ADA2: variants seen among roughly 807,000 people sequenced by gnomAD.
ADA2 encodes adenosine deaminase 2.
Under a neutral mutation model 44.2 loss-of-function variants are expected in ADA2, and 29 were observed. The observed-to-expected ratio is 0.66, with a 90% CI of 0.49 to 0.89. ADA2 has a LOEUF of 0.89. Ranked by LOEUF, ADA2 falls within the 40% of genes least tolerant of loss-of-function variation. ADA2 has a pLI of 0.00. For missense variants in ADA2, 637 were observed against 644.8 expected (o/e 0.99, Z 0.13); for synonymous variants, 215 against 234.9 (o/e 0.92, Z 0.77).
At position 17,207,192 on chromosome 22, in the gene ADA2, T is replaced by A; in HGVS notation, c.421A>T (p.Arg141Trp). The A allele has an allele frequency of 6.2e-7, 1 of 1,614,160 alleles. No individual in the cohort carries two copies. Among genetic ancestry groups the A allele is most frequent in the Non-Finnish European group, 8.5e-7 (1 of 1,179,978 alleles). Reference protein sequence around the residue: ...RPHCHICFTPRGIMQFRFAHP... With the variant: ...RPHCHICFTPWGIMQFRFAHP... The stretch of plus-strand genomic sequence containing the variant: ...GCAAATCTGAACTGCATGATCCCCC[T>A]TGGGGTGAAACAGATGTGGCAGTGA... Residue 141 changes from arginine to tryptophan, a missense_variant, in exon 3 of 10, where the codon AGG (arginine) becomes TGG (tryptophan). Physicochemically the swap from Arg to Trp is moderately radical, Grantham distance 101. Transcript: ENST00000399837.
Position 17,191,797 on chromosome 22 carries a change from C to T in ADA2, c.767G>A (p.Ser256Asn), listed in dbSNP as rs1208715755. 6.2e-7 allele frequency: 1 copy of T among 1,613,378 alleles called. No individual in the cohort carries two copies. Among genetic ancestry groups the T allele is most frequent in the Non-Finnish European group, 8.5e-7 (1 of 1,179,916 alleles). The change falls in exon 5 of 10, where the codon AGT (serine) becomes AAT (asparagine). Residue 256 changes from serine (S) to asparagine (N), a missense_variant. Coordinates refer to ENST00000399837, the MANE Select transcript of ADA2 (RefSeq NM_001282225.2). ...CCACTCTTCGTCATGGTGCTCTCCA[C>T]TGAGCTCATACACCTGGGAAGAAAG... The part of the protein sequence containing the change: ...RARLLPVYEL[S>N]GEHHDEEWSV...
intron 1 of ADA2, among the ~76,000 whole-genome samples, chr22:17,212,456 T>G (rs1245487875): frequency 6.6e-6 from 1 of 152,080 alleles, no homozygotes; most frequent in Non-Finnish European, 1.5e-5. Context: ...GTATTTGTAG[T>G]AGAGACGGAG....
chr22:17,201,227 A>G (rs967298648), intron 4 of ADA2, among the ~76,000 whole-genome samples: 2 of 151,946 alleles, frequency 1.3e-5, no homozygotes, highest in Non-Finnish European at 2.9e-5. Flanking sequence ...AGAAGAAGAA[A>G]GAAAAGAAAA....
At chr22:17,192,941 C>A in intron 4 of ADA2, 1 of 589,394 alleles carries the variant, frequency 1.7e-6, no homozygotes, top group Non-Finnish European at 3.2e-6. Flanking sequence ...GCCTGATTGT[C>A]AAAAAGAGAA....
At chr22:17,214,060 A>AGT in intron 1 of ADA2, 1 of 481,746 alleles carries the variant, frequency 2.1e-6, no homozygotes, top group Non-Finnish European at 3.8e-6. Flanking sequence ...AAAAAAAAAA[A>AGT]TAGCATCCAA....
intron 4 of ADA2, among the ~76,000 whole-genome samples, chr22:17,201,707 A>G (rs1250418683): frequency 6.6e-6 from 1 of 151,972 alleles, no homozygotes; most frequent in East Asian, 1.9e-4. Flanking sequence ...TCTCCAATAA[A>G]CTCACTGAAA....
rs568715944 is a variant in ADA2 at position 17,191,980 on chromosome 22, T to C, written c.754-170A>G. On this transcript the variant is annotated intron_variant, in intron 4 of 9. Transcript: ENST00000399837. ...CCAGCCACCCCTGCCCAGCCACCCT[T>C]GCCCAGCCACCTCCTTCCCAGTCAA... 1.2e-3 allele frequency among the ~76,000 whole-genome samples: 173 copies of C among 144,690 alleles called. 1 individual carries two copies. Among genetic ancestry groups the C allele is most frequent in the Non-Finnish European group, 2.0e-3 (131 of 66,038 alleles). The allele number at this position is 144,690 out of a possible 152,430, so 94.9% of individuals were successfully genotyped here.
intron 7 of ADA2, among the ~76,000 whole-genome samples, chr22:17,187,300 G>A (rs1455104711): frequency 6.6e-6 from 1 of 151,848 alleles, no homozygotes; most frequent in Admixed American, 6.6e-5. Flanking sequence ...AATTACAGAT[G>A]TGAGCCACTG....
rs886887338 is a variant in ADA2, at chr22:17,179,006, C to T, written c.*2477G>A. ...ACAGCTTATGGTTGCTGTTTTTTCC[C>T]AGTTCCAGGAACCAAATGGTGATAA... On this transcript the variant is annotated 3_prime_UTR_variant, in exon 10 of 10. Coordinates refer to ENST00000399837, the MANE Select transcript of ADA2 (RefSeq NM_001282225.2). The T allele has an allele frequency of 1.3e-5, 2 of 152,230 alleles. No individual in the cohort carries two copies. The highest frequency in any genetic ancestry group is 4.8e-5 in the African/African-American group (2 of 41,430). 9.4% of individuals were successfully genotyped at this position (152,230 alleles called of 1,614,324 possible).
intron 5 of ADA2, among the ~76,000 whole-genome samples, chr22:17,191,441 T>C (rs1347769268): frequency 6.6e-6 from 1 of 152,196 alleles, no homozygotes; most frequent in Non-Finnish European, 1.5e-5. Flanking sequence ...ATTCACACAT[T>C]CTTCATTTCA....
intron 7 of ADA2, among the ~76,000 whole-genome samples, chr22:17,184,790 A>AT (rs1490678635): frequency 6.6e-6 from 1 of 150,906 alleles, no homozygotes; most frequent in Non-Finnish European, 1.5e-5. Context: ...TTAGCCAGGC[A>AT]TGGTGGCATG....
chr22:17,212,085 C>T (rs1310984830), intron 1 of ADA2, among the ~76,000 whole-genome samples: 2 of 151,708 alleles, frequency 1.3e-5, no homozygotes, highest in African/African-American at 4.8e-5. Context: ...AGTACAATGG[C>T]GCGATCTCGG....
intron 4 of ADA2, chr22:17,198,864 C>G (rs2062229399): frequency 6.6e-6 from 1 of 152,396 alleles, no homozygotes; most frequent in South Asian, 2.1e-4. Flanking sequence ...GCCTTTGTTA[C>G]TGAGCATTAG....
At chr22:17,188,482 G>A in intron 6 of ADA2, 35 bp from the exon 7 acceptor site, 3 of 1,477,826 alleles carry the variant, frequency 2.0e-6, no homozygotes, top group South Asian at 1.1e-5. Flanking sequence ...GGTGTCTGCA[G>A]GGCGCATGCC....
chr22:17,186,530 C>T (rs1326503073), intron 7 of ADA2, among the ~76,000 whole-genome samples: 4 of 151,756 alleles, frequency 2.6e-5, no homozygotes, highest in Non-Finnish European at 5.9e-5. Context: ...TGCAGTGAGC[C>T]GAGATCGCAC....
intron 6 of ADA2, among the ~76,000 whole-genome samples, chr22:17,189,476 T>G (rs1386746567): frequency 6.6e-6 from 1 of 152,114 alleles, no homozygotes; most frequent in East Asian, 1.9e-4. Context: ...ATCACTACCT[T>G]GAGGATTTGC....
At chr22:17,216,901 A>C (rs1217372713) in intron 1 of ADA2, among the ~76,000 whole-genome samples, 3 of 152,124 alleles carry the variant, frequency 2.0e-5, no homozygotes, top group Non-Finnish European at 4.4e-5. Context: ...ACTGAGAAAG[A>C]AACCAAAACA....
intron 7 of ADA2, among the ~76,000 whole-genome samples, chr22:17,183,072 G>A (rs1218546313): frequency 2.6e-5 from 4 of 151,980 alleles, no homozygotes; most frequent in South Asian, 2.1e-4. Flanking sequence ...TAGCAAAACC[G>A]AGTTTTTTGT....
At chr22:17,184,589 C>CTCTAT (rs1164339609) in intron 7 of ADA2, among the ~76,000 whole-genome samples, 1 of 152,022 alleles carries the variant, frequency 6.6e-6, no homozygotes, top group East Asian at 1.9e-4. Flanking sequence ...GATGCATGTA[C>CTCTAT]TCTATTCTTG....
Sources: allele counts gnomAD v4.1 joint callset (sites outside exome capture counted in the v4.1 genomes callset), GRCh38; gene constraint gnomAD v4.1.1; transcripts MANE v1.5; gene names NCBI Gene and HGNC (gene_info 2026-07-23, HGNC 2026-07-21).